UBR3: variants seen among roughly 807,000 people sequenced by gnomAD.
UBR3 encodes ubiquitin protein ligase E3 component n-recognin 3.
A neutral mutation model predicts 243.2 loss-of-function variants in UBR3; 85 were observed. That is an observed-to-expected ratio of 0.35 (90% CI 0.29 to 0.42). The LOEUF is 0.42. Ranked by LOEUF, UBR3 falls within the 10% of genes least tolerant of loss-of-function variation. The pLI is 1.00. For synonymous variants in UBR3, 748 were observed against 799.8 expected, an observed-to-expected ratio of 0.94 and a Z score of 1.09; for missense variants, 1,686 against 2,300.8, an observed-to-expected ratio of 0.73 and a Z score of 5.47.
chr2:169,876,619 G>C (rs1020790282), intron 3 of UBR3, among the ~76,000 whole-genome samples: 1 of 151,612 alleles, frequency 6.6e-6, no homozygotes, highest in Admixed American at 6.6e-5. Context: ...GTGCAGTGGC[G>C]TGATCTCAGC....
chr2:169,954,212 TG>T (rs2087165072), intron 23 of UBR3, among the ~76,000 whole-genome samples: 1 of 151,596 alleles, frequency 6.6e-6, no homozygotes. Context: ...TGTCTTGTCT[TG>T]TCTTGTCTTG....
At chr2:169,972,246 A>T (rs1374486132) in intron 24 of UBR3, among the ~76,000 whole-genome samples, 2 of 152,200 alleles carry the variant, frequency 1.3e-5, no homozygotes, top group Admixed American at 1.3e-4. Flanking sequence ...GACCAATAAC[A>T]GGAGCTGCAA....
chr2:169,862,754 G>C (rs2083135004), intron 1 of UBR3, among the ~76,000 whole-genome samples: 1 of 151,848 alleles, frequency 6.6e-6, no homozygotes, highest in African/African-American at 2.4e-5. Context: ...GTCATTTTGG[G>C]CTTTATCCTA....
intron 6 of UBR3, among the ~76,000 whole-genome samples, chr2:169,894,427 A>G (rs1427195537): frequency 6.6e-6 from 1 of 151,010 alleles, no homozygotes; most frequent in Non-Finnish European, 1.5e-5. Context: ...CTGAAATGGA[A>G]TTAGGGAGTT....
chr2:169,926,595 CA>C, intron 14 of UBR3, 96 bp from the exon 15 acceptor site: 1 of 1,305,988 alleles, frequency 7.7e-7, no homozygotes, highest in Admixed American at 2.7e-5. Context: ...AAACAAAAAA[CA>C]AAAAACAAAA....
intron 19 of UBR3, 133 bp from the exon 20 acceptor site, chr2:169,942,360 C>A: frequency 1.2e-6 from 1 of 850,462 alleles, no homozygotes; most frequent in Non-Finnish European, 1.7e-6. Flanking sequence ...ACCTCTTTGG[C>A]ATTTTAAGCA....
At chr2:169,977,394 C>T (rs746214731) in intron 24 of UBR3, among the ~76,000 whole-genome samples, 3 of 152,054 alleles carry the variant, frequency 2.0e-5, no homozygotes, top group Non-Finnish European at 2.9e-5. Flanking sequence ...ATCTGCAAGC[C>T]GGGGGATGAG....
intron 24 of UBR3, among the ~76,000 whole-genome samples, chr2:169,983,252 CTTTTTTTTTTTT>C (rs72194627): frequency 1.4e-5 from 1 of 72,000 alleles, no homozygotes; most frequent in East Asian, 3.6e-4. Context: ...ATTCTCTCTC[CTTTTTTTTTTTT>C]TTTTTTTTTT....
intron 35 of UBR3, among the ~76,000 whole-genome samples, chr2:170,063,078 G>A (rs2091485491): frequency 6.6e-6 from 1 of 152,148 alleles, no homozygotes; most frequent in South Asian, 2.1e-4. Context: ...AAGACAGATT[G>A]TGAAGAATAG....
chr2:169,833,023 G>A (rs1380145005), intron 1 of UBR3, among the ~76,000 whole-genome samples: 1 of 152,048 alleles, frequency 6.6e-6, no homozygotes, highest in African/African-American at 2.4e-5. Flanking sequence ...CTCAGTATAT[G>A]GTATACATAG....
intron 29 of UBR3, among the ~76,000 whole-genome samples, chr2:170,010,256 C>T (rs1373368762): frequency 6.6e-6 from 1 of 151,986 alleles, no homozygotes; most frequent in Non-Finnish European, 1.5e-5. Flanking sequence ...TGCCAGGGTG[C>T]CAAGGTTTTA....
In UBR3 at chr2:169,928,787, GT is replaced by G; in HGVS notation, c.2489del (p.Leu830TyrfsTer4). 1 of 1,514,854 alleles carries G rather than the reference GT, an allele frequency of 6.6e-7. No homozygotes were observed. The allele number at this position is 1,514,854 out of a possible 1,614,324, so 93.8% of individuals were successfully genotyped here. ...TCCAGGCAGTTACAGCTTTGAATCAGTTTTATCAGCTGTAGCTGATTTTAAG... is the reference window on the plus strand; with the variant it reads ...TCCAGGCAGTTACAGCTTTGAATCAGTTTATCAGCTGTAGCTGATTTTAAG... ...IIPGSYSFES[V>X]LSAVADFKAP... On this transcript the variant is annotated frameshift_variant, in exon 18 of 39. Coordinates refer to ENST00000272793, the MANE Select transcript of UBR3 (RefSeq NM_172070.4). LOFTEE classifies it high-confidence loss of function.
chr2:170,027,873 A>G (rs1213339942), intron 30 of UBR3, among the ~76,000 whole-genome samples: 1 of 151,884 alleles, frequency 6.6e-6, no homozygotes, highest in Non-Finnish European at 1.5e-5. Flanking sequence ...AGTATCATCT[A>G]CGAAACCAGG....
In UBR3 at chr2:170,012,339, ATGT is replaced by A. The variant is rs368161476; in HGVS notation, c.4368-2938_4368-2936del. ...TAATTGGTTACATATCAAAAGAAAG[ATGT>A]TGTCAGTTCCCATTTTTTTTCTTTT... On this transcript the variant is annotated intron_variant, in intron 29 of 38. Transcript: ENST00000272793. Among the ~76,000 whole-genome samples the A allele has an allele frequency of 5.2e-3, 797 of 152,256 alleles. 4 individuals are homozygous for A. Among genetic ancestry groups the A allele is most frequent in the Non-Finnish European group, 8.0e-3 (544 of 68,002 alleles).
chr2:169,882,043 A>G (rs1371533641), intron 5 of UBR3, among the ~76,000 whole-genome samples: 3 of 126,714 alleles, frequency 2.4e-5, no homozygotes, highest in Non-Finnish European at 4.7e-5. Context: ...GCATATTTAT[A>G]TGTATATTAT....
chr2:169,904,551 G>A (rs1047622361), intron 8 of UBR3, among the ~76,000 whole-genome samples: 7 of 151,822 alleles, frequency 4.6e-5, no homozygotes, highest in African/African-American at 1.5e-4. Flanking sequence ...TTTTTTCAAG[G>A]CTTAAGAAGT....
chr2:170,015,474 T>A, intron 30 of UBR3, 108 bp downstream of exon 30: 2 of 732,656 alleles, frequency 2.7e-6, no homozygotes, highest in Non-Finnish European at 4.5e-6. Context: ...TTATATATGA[T>A]CTATTTAGAT....
chr2:169,976,242 T>A (rs2088435735), intron 24 of UBR3, among the ~76,000 whole-genome samples: 1 of 152,106 alleles, frequency 6.6e-6, no homozygotes, highest in Admixed American at 6.5e-5. Flanking sequence ...GTATCCTTTG[T>A]TCCTTTCTTC....
intron 2 of UBR3, among the ~76,000 whole-genome samples, chr2:169,874,087 G>C (rs1450019041): frequency 1.3e-5 from 2 of 151,952 alleles, no homozygotes; most frequent in East Asian, 3.8e-4. Flanking sequence ...AAGATGATCT[G>C]CATGAATGTA....
Sources: gnomAD v4.1 joint callset for allele counts (sites outside exome capture counted in the v4.1 genomes callset) on GRCh38, gnomAD v4.1.1 for gene constraint, MANE v1.5 for transcripts, NCBI Gene and HGNC (gene_info 2026-07-23, HGNC 2026-07-21) for gene names.